RP1: variants seen among roughly 807,000 people sequenced by gnomAD.
RP1 encodes RP1 axonemal microtubule associated.
RP1 carries 16 observed loss-of-function variants against 14.8 expected under a neutral mutation model. That is an observed-to-expected ratio of 1.08 (90% confidence interval 0.73 to 1.65). The LOEUF is 1.65. Among genes scored for constraint, RP1 ranks in the 40% most tolerant of loss-of-function variants. RP1 has a pLI of 0.00. For missense variants in RP1, 2,631 were observed against 2,535.0 expected (o/e 1.04, Z -0.81); for synonymous variants, 876 against 883.6 (o/e 0.99, Z 0.15).
At position 54,629,168 on chromosome 8, in the gene RP1, C is replaced by A; in HGVS notation, c.5286C>A (p.Gly1762=). 2 of 1,614,056 alleles carry A rather than the reference C, an allele frequency of 1.2e-6. No individual in the cohort carries two copies. Among genetic ancestry groups the A allele is most frequent in the African/African-American group, 1.3e-5 (1 of 75,040 alleles). Residue 1762 remains glycine, a synonymous_variant, in exon 4 of 4, where the codon GGC becomes GGA. Coordinates refer to ENST00000220676, the MANE Select transcript of RP1 (RefSeq NM_006269.2). The part of the protein sequence containing the change: ...HLLRMSSENP[G]MCGNADTTSV... ...TAAGGATGTCATCTGAAAATCCTGG[C>A]ATGTGTGGCAATGCAGACACCACAT...
intron 24 of RP1, among the ~76,000 whole-genome samples, chr8:54,836,943 T>C (rs1463727115): frequency 1.3e-5 from 2 of 152,184 alleles, no homozygotes; most frequent in African/African-American, 2.4e-5. Flanking sequence ...TTAGAATATT[T>C]GTCATACTGA....
chr8:54,834,715 A>G (rs1811617705), intron 24 of RP1, among the ~76,000 whole-genome samples: 1 of 150,584 alleles, frequency 6.6e-6, no homozygotes, highest in South Asian at 2.1e-4. Context: ...TTTAAAATTT[A>G]CCCTAATAAT....
chr8:54,651,830 T>G (rs1373550880), intron 4 of RP1, among the ~76,000 whole-genome samples: 1 of 152,160 alleles, frequency 6.6e-6, no homozygotes, highest in African/African-American at 2.4e-5. Flanking sequence ...AGGTTATTTA[T>G]TTGAGATTTC....
chr8:54,680,490 A>G (rs1807400585), intron 12 of RP1, among the ~76,000 whole-genome samples: 1 of 152,186 alleles, frequency 6.6e-6, no homozygotes, highest in Non-Finnish European at 1.5e-5. Context: ...TTCATTATTT[A>G]AACAATATTT....
intron 1 of RP1, among the ~76,000 whole-genome samples, chr8:54,559,516 T>G (rs1804236870): frequency 6.6e-6 from 1 of 152,158 alleles, no homozygotes; most frequent in Non-Finnish European, 1.5e-5. Context: ...TAAATAACTG[T>G]GTCTTGGTTG....
intron 19 of RP1, among the ~76,000 whole-genome samples, chr8:54,741,165 GTTTAA>G (rs1417197138): frequency 2.6e-5 from 4 of 152,054 alleles, no homozygotes; most frequent in African/African-American, 9.7e-5. Context: ...AAAATTAAAT[GTTTAA>G]TTTATTATGG....
At chr8:54,573,386 G>A in intron 1 of RP1, among the ~76,000 whole-genome samples, 1 of 152,176 alleles carries the variant, frequency 6.6e-6, no homozygotes. Context: ...AAGTTAAATT[G>A]TTAGTGTTTA....
chr8:54,730,132 G>A lies in RP1; in HGVS notation c.2521+3656G>A, dbSNP rs565535995. 3.3e-5 allele frequency among the ~76,000 whole-genome samples: 5 copies of A among 152,118 alleles called. 1 individual carries two copies. The highest frequency in any genetic ancestry group is 1.2e-4 in the African/African-American group (5 of 41,520). ...TGCAGAAATAAGCCATTCCATTTCA[G>A]ATAATCCTAATCACTTGAAAGTACC... On this transcript the variant is annotated intron_variant, in intron 17 of 22. Coordinates refer to the RP1 transcript ENST00000636932.
intron 1 of RP1, among the ~76,000 whole-genome samples, chr8:54,575,778 CCCT>C (rs1442041732): frequency 1.3e-5 from 2 of 152,118 alleles, no homozygotes; most frequent in African/African-American, 4.8e-5. Context: ...CTGTTCCTCT[CCCT>C]CCTCTCGCAC....
chr8:54,757,353 C>T (rs1043312415), intron 21 of RP1, among the ~76,000 whole-genome samples: 1 of 152,124 alleles, frequency 6.6e-6, no homozygotes, highest in South Asian at 2.1e-4. Flanking sequence ...AAGAAGAGAC[C>T]AGAAAGCTGA....
At chr8:54,785,721 C>A (rs1345873615) in intron 24 of RP1, among the ~76,000 whole-genome samples, 1 of 152,054 alleles carries the variant, frequency 6.6e-6, no homozygotes. Flanking sequence ...TGATTCTAAC[C>A]ATCCTAGTGG....
chr8:54,586,165 ATGGGG>A (rs1390492634), intron 1 of RP1, among the ~76,000 whole-genome samples: 4 of 152,032 alleles, frequency 2.6e-5, no homozygotes, highest in Non-Finnish European at 4.4e-5. Context: ...TGACAAACAG[ATGGGG>A]TTTTGGTGTG....
chr8:54,755,604 C>T (rs1383176168), intron 20 of RP1: 5 of 1,535,592 alleles, frequency 3.3e-6, no homozygotes, highest in African/African-American at 1.4e-5. Context: ...TTTTCTCTCC[C>T]TGTTGCTTTG....
chr8:54,758,650 G>A (rs896205430), intron 21 of RP1, among the ~76,000 whole-genome samples: 6 of 152,100 alleles, frequency 3.9e-5, no homozygotes, highest in African/African-American at 1.4e-4. Context: ...TTTGTGTTGG[G>A]ATTTCTTTGT....
chr8:54,695,247 G>T (rs1288557274), intron 12 of RP1, among the ~76,000 whole-genome samples: 1 of 151,590 alleles, frequency 6.6e-6, no homozygotes, highest in African/African-American at 2.4e-5. Context: ...TTAAAATCGG[G>T]ACCCTTAATT....
rs540965986 is a variant in RP1 at position 54,845,539 on chromosome 8, G to A, written c.3836-7035G>A. Among the ~76,000 whole-genome samples, 22 of 152,294 alleles carry A rather than the reference G, an allele frequency of 1.4e-4. No homozygotes were observed. The South Asian group carries it at 4.6e-3, about 32-fold the overall frequency. ...GCAGTGCCCTCAGAAGTGGCAGCTCGGGCTACAGAGAGTCCTGCAGACACA... is the reference window on the plus strand; with the variant it reads ...GCAGTGCCCTCAGAAGTGGCAGCTCAGGCTACAGAGAGTCCTGCAGACACA... On this transcript the variant is annotated intron_variant, in intron 25 of 28. Coordinates refer to the RP1 transcript ENST00000637698.
At chr8:54,579,514 G>T (rs1409658292) in intron 1 of RP1, among the ~76,000 whole-genome samples, 1 of 152,164 alleles carries the variant, frequency 6.6e-6, no homozygotes, top group Non-Finnish European at 1.5e-5. Context: ...TGGGATTAGT[G>T]AGTTGCCTGT....
At position 54,626,356 on chromosome 8, in the gene RP1, TCCTTGAG is replaced by T; in HGVS notation, c.2476_2482del (p.Leu826LysfsTer20). On this transcript the variant is annotated frameshift_variant, in exon 4 of 4. Coordinates refer to ENST00000220676, the MANE Select transcript of RP1 (RefSeq NM_006269.2). LOFTEE classifies it low-confidence loss of function (END_TRUNC). Reference sequence around the variant, plus strand: ...AAAAGTTTATTTCATGTATTTAACATCCTTGAGCAAAAACCCAAAGATTTTTATGCAC... The same window carrying T: ...AAAAGTTTATTTCATGTATTTAACATCAAAAACCCAAAGATTTTTATGCAC... 1 of 1,613,582 alleles carries T rather than the reference TCCTTGAG, an allele frequency of 6.2e-7. No individual in the cohort carries two copies. Among genetic ancestry groups the T allele is most frequent in the Non-Finnish European group, 8.5e-7 (1 of 1,179,860 alleles).
chr8:54,850,158 T>C (rs1812026621), intron 25 of RP1, among the ~76,000 whole-genome samples: 2 of 152,182 alleles, frequency 1.3e-5, no homozygotes, highest in African/African-American at 4.8e-5. Flanking sequence ...CTTTTTCAAA[T>C]ACTTTAAGCT....
Sources: allele counts gnomAD v4.1 joint callset (sites outside exome capture counted in the v4.1 genomes callset), GRCh38; gene constraint gnomAD v4.1.1; transcripts MANE v1.5; gene names NCBI Gene and HGNC (gene_info 2026-07-23, HGNC 2026-07-21).